Variants in PSD3 observed in about 807,000 individuals in gnomAD.
PSD3 encodes the protein pleckstrin and Sec7 domain containing 3.
Under a neutral mutation model 105.5 loss-of-function variants are expected in PSD3, and 49 were observed. The ratio of observed to expected loss-of-function variants is 0.46; its 90% CI spans 0.37 to 0.59. The LOEUF is 0.59. Among genes scored for constraint, PSD3 ranks in the 20% least tolerant of loss-of-function variants. The pLI is 0.00. For synonymous variants in PSD3, 557 were observed against 457.8 expected (o/e 1.22, Z -2.77); for missense variants, 1,561 against 1,263.8 (o/e 1.24, Z -3.57).
chr8:18,629,706 T>A (rs554746670), intron 11 of PSD3, among the ~76,000 whole-genome samples: 29 of 151,740 alleles, frequency 1.9e-4, no homozygotes, highest in Non-Finnish European at 2.8e-4. Context: ...AGGATGGGAG[T>A]AATACGAGAA....
intron 1 of PSD3, among the ~76,000 whole-genome samples, chr8:18,966,488 T>C (rs949980149): frequency 6.6e-6 from 1 of 151,716 alleles, no homozygotes; most frequent in Non-Finnish European, 1.5e-5. Context: ...GGAGAATTAC[T>C]TGAACCTGGG....
intron 2 of PSD3, among the ~76,000 whole-genome samples, chr8:18,890,822 G>T (rs949136932): frequency 1.3e-5 from 2 of 151,986 alleles, no homozygotes; most frequent in Non-Finnish European, 2.9e-5. Context: ...GGTAAGGGTG[G>T]GGGAGGGGGA....
intron 2 of PSD3, among the ~76,000 whole-genome samples, chr8:18,914,998 C>T (rs1820489868): frequency 6.6e-6 from 1 of 152,022 alleles, no homozygotes. Flanking sequence ...AGCATAAAAA[C>T]AGACCTAAAC....
intron 2 of PSD3, among the ~76,000 whole-genome samples, chr8:18,875,487 AT>A (rs1007738563): frequency 1.3e-5 from 2 of 151,112 alleles, no homozygotes; most frequent in African/African-American, 4.9e-5. Flanking sequence ...AGATTCAGGC[AT>A]TTTTAGTATA....
intron 9 of PSD3, among the ~76,000 whole-genome samples, chr8:18,691,758 C>T (rs1045385036): frequency 6.6e-5 from 10 of 152,114 alleles, no homozygotes; most frequent in African/African-American, 1.9e-4. Flanking sequence ...CTAATACATG[C>T]CAATCATTGA....
Position 18,840,323 on chromosome 8 carries a change from T to C in PSD3, c.1634+27351A>G, listed in dbSNP as rs1161286597. Among the ~76,000 whole-genome samples, 7 of 152,328 alleles carry C rather than the reference T, an allele frequency of 4.6e-5. No homozygotes were observed. In the South Asian group the frequency reaches 6.2e-4, roughly 14 times the overall value. On this transcript the variant is annotated intron_variant, in intron 4 of 15. Coordinates refer to ENST00000327040, the MANE Select transcript of PSD3 (RefSeq NM_015310.4). ...GTCTCAAACACTTGTGATGAACATG[T>C]TGGCCTCCCAAAGATGACCTGAAGG... is the stretch of plus-strand genomic sequence containing the variant.
chr8:18,764,672 T>G (rs1392084015), intron 9 of PSD3, among the ~76,000 whole-genome samples: 1 of 152,186 alleles, frequency 6.6e-6, no homozygotes, highest in East Asian at 1.9e-4. Context: ...CCATAGCTGA[T>G]TCAAATGTCA....
chr8:18,554,582 T>A (rs529023989), intron 15 of PSD3, among the ~76,000 whole-genome samples: 1 of 152,264 alleles, frequency 6.6e-6, no homozygotes, highest in South Asian at 2.1e-4. Context: ...AAATGCTACA[T>A]TTGATAACAG....
chr8:18,553,382 C>T (rs1800891228), intron 15 of PSD3, among the ~76,000 whole-genome samples: 1 of 151,934 alleles, frequency 6.6e-6, no homozygotes, highest in African/African-American at 2.4e-5. Context: ...TGAGAACAGT[C>T]ACCAGGTTTG....
chr8:18,623,092 C>T (rs569173774), intron 11 of PSD3, among the ~76,000 whole-genome samples: 1 of 152,118 alleles, frequency 6.6e-6, no homozygotes, highest in South Asian at 2.1e-4. Flanking sequence ...ACCATATGGT[C>T]CAGGCTGGTC....
intron 9 of PSD3, among the ~76,000 whole-genome samples, chr8:18,738,353 T>A (rs555555442): frequency 6.6e-6 from 1 of 152,136 alleles, no homozygotes; most frequent in African/African-American, 2.4e-5. Context: ...TTCTCATTTA[T>A]AAAATGGGAA....
chr8:18,868,682 G>C (rs1368300658), intron 3 of PSD3, among the ~76,000 whole-genome samples: 2 of 152,182 alleles, frequency 1.3e-5, no homozygotes, highest in East Asian at 3.9e-4. Flanking sequence ...TGAGAGATTA[G>C]AAACAGCTCA....
chr8:18,705,890 GA>G (rs1801867261), intron 9 of PSD3, among the ~76,000 whole-genome samples: 2 of 152,142 alleles, frequency 1.3e-5, no homozygotes, highest in Admixed American at 1.3e-4. Flanking sequence ...TTGTGATCAA[GA>G]GTATCAAAAA....
chr8:18,697,527 G>C (rs972432), intron 9 of PSD3, among the ~76,000 whole-genome samples: 139,530 of 152,170 alleles, frequency 0.92, 64,476 homozygotes, highest in Middle Eastern at 0.97. Flanking sequence ...AAAACATTTC[G>C]TTGCTATCAG....
At chr8:18,929,097 T>C (rs537409150) in intron 2 of PSD3, among the ~76,000 whole-genome samples, 3 of 152,342 alleles carry the variant, frequency 2.0e-5, no homozygotes, top group South Asian at 2.1e-4. Context: ...ATGAATTGTA[T>C]GGTTTACAAA....
intron 14 of PSD3, among the ~76,000 whole-genome samples, chr8:18,566,053 C>G (rs1801723948): frequency 6.6e-6 from 1 of 152,088 alleles, no homozygotes; most frequent in Admixed American, 6.6e-5. Context: ...TAGGGGCAGC[C>G]AGACATCTTC....
intron 12 of PSD3, among the ~76,000 whole-genome samples, chr8:18,586,219 T>A (rs1803175866): frequency 6.6e-6 from 1 of 152,134 alleles, no homozygotes; most frequent in Non-Finnish European, 1.5e-5. Context: ...CCACTTTGGC[T>A]GGGATGGGAG....
At chr8:18,583,899 C>T (rs1169346993) in intron 12 of PSD3, among the ~76,000 whole-genome samples, 1 of 152,098 alleles carries the variant, frequency 6.6e-6, no homozygotes, top group Non-Finnish European at 1.5e-5. Flanking sequence ...GGGCAAAGTC[C>T]TAATCTTATA....
chr8:18,766,597 C>G (rs1263807485), intron 8 of PSD3, among the ~76,000 whole-genome samples: 2 of 152,094 alleles, frequency 1.3e-5, no homozygotes, highest in East Asian at 3.8e-4. Context: ...TTTGTGTTAC[C>G]TACATACTAT....
Sources: allele counts gnomAD v4.1 joint callset (sites outside exome capture counted in the v4.1 genomes callset), GRCh38; gene constraint gnomAD v4.1.1; transcripts MANE v1.5; gene names NCBI Gene and HGNC (gene_info 2026-07-23, HGNC 2026-07-21).